RGS6: variants seen among roughly 807,000 people sequenced by gnomAD.
The protein encoded by RGS6 is regulator of G protein signaling 6.
A neutral mutation model predicts 78.5 loss-of-function variants in RGS6; 30 were observed. The ratio of observed to expected loss-of-function variants is 0.38; its 90% CI spans 0.29 to 0.52. The LOEUF is 0.52. Among genes scored for constraint, RGS6 ranks in the 20% least tolerant of loss-of-function variants. The pLI is 0.85. For missense variants in RGS6, 495 were observed against 609.7 expected, an observed-to-expected ratio of 0.81 and a Z score of 1.98; for synonymous variants, 206 against 206.0, an observed-to-expected ratio of 1.00 and a Z score of 0.00.
At chr14:72,409,007 G>A (rs1430976235) in intron 3 of RGS6, among the ~76,000 whole-genome samples, 1 of 152,166 alleles carries the variant, frequency 6.6e-6, no homozygotes, top group African/African-American at 2.4e-5. Context: ...ATGAATCAAA[G>A]TTTTTAAGCC....
intron 2 of RGS6, among the ~76,000 whole-genome samples, chr14:72,039,334 C>G (rs573514747): frequency 6.6e-6 from 1 of 152,206 alleles, no homozygotes; most frequent in South Asian, 2.1e-4. Context: ...CAACAGAGCT[C>G]AGTTTTAGGG....
intron 3 of RGS6, among the ~76,000 whole-genome samples, chr14:72,401,558 T>C (rs2092402707): frequency 1.3e-5 from 2 of 151,720 alleles, no homozygotes; most frequent in African/African-American, 4.8e-5. Context: ...GCAACTCTCA[T>C]GTGACCCCAG....
At chr14:72,033,989 C>T (rs143692313) in intron 2 of RGS6, among the ~76,000 whole-genome samples, 41 of 152,150 alleles carry the variant, frequency 2.7e-4, no homozygotes, top group Middle Eastern at 6.8e-3. Context: ...TTTTGATTAG[C>T]GTTTTCTTGA....
chr14:72,217,616 A>G (rs1242044589), intron 2 of RGS6, among the ~76,000 whole-genome samples: 1 of 152,174 alleles, frequency 6.6e-6, no homozygotes, highest in Non-Finnish European at 1.5e-5. Flanking sequence ...AGGAAAGGAA[A>G]AGTAAATCTT....
chr14:72,304,429 TC>T (rs2066783233), intron 2 of RGS6, among the ~76,000 whole-genome samples: 1 of 152,230 alleles, frequency 6.6e-6, no homozygotes, highest in Non-Finnish European at 1.5e-5. Context: ...CTTATCTTGT[TC>T]CCTGTTGGTA....
intron 10 of RGS6, among the ~76,000 whole-genome samples, chr14:72,475,200 T>G (rs2096205954): frequency 8.4e-5 from 1 of 11,878 alleles, no homozygotes; most frequent in Non-Finnish European, 1.4e-4. Context: ...TTTTTTATGG[T>G]TTTTTTTTTT....
intron 1 of RGS6, among the ~76,000 whole-genome samples, chr14:71,945,023 C>A (rs1313004831): frequency 6.6e-6 from 1 of 152,126 alleles, no homozygotes; most frequent in Non-Finnish European, 1.5e-5. Flanking sequence ...TCTCATGGGA[C>A]CCCCTTCATG....
chr14:71,911,476 T>C, the RGS6 span, among the ~76,000 whole-genome samples: 1 of 152,198 alleles, frequency 6.6e-6, no homozygotes, highest in Non-Finnish European at 1.5e-5. Context: ...TCAGAAATAT[T>C]ACACAGGCAC....
chr14:72,398,872 T>G (rs997069234), intron 3 of RGS6, among the ~76,000 whole-genome samples: 7 of 152,168 alleles, frequency 4.6e-5, no homozygotes, highest in African/African-American at 1.7e-4. Context: ...TTGAGTGAAT[T>G]TCTTAATCCT....
chr14:71,952,581 AGTAAAACT>A (rs889566370), intron 1 of RGS6, among the ~76,000 whole-genome samples: 7 of 152,032 alleles, frequency 4.6e-5, no homozygotes, highest in African/African-American at 7.2e-5. Flanking sequence ...ACACGGTATG[AGTAAAACT>A]GTAAAACCCC....
chr14:71,913,276 CTAAACTTGCTCAA>C, the RGS6 span, among the ~76,000 whole-genome samples: 1 of 152,214 alleles, frequency 6.6e-6, no homozygotes, highest in Non-Finnish European at 1.5e-5. Context: ...TAGATATCCC[CTAAACTTGCTCAA>C]TATGTGTAAG....
At chr14:72,218,956 C>G (rs1328779229) in intron 2 of RGS6, among the ~76,000 whole-genome samples, 2 of 151,784 alleles carry the variant, frequency 1.3e-5, no homozygotes, top group African/African-American at 4.8e-5. Context: ...GAACTCATGG[C>G]CAGCAATATG....
chr14:72,133,930 G>A (rs909923234), intron 2 of RGS6, among the ~76,000 whole-genome samples: 6 of 152,130 alleles, frequency 3.9e-5, no homozygotes, highest in African/African-American at 1.4e-4. Context: ...AGACTTCATT[G>A]ACATGGTTCC....
At chr14:72,106,824 C>T (rs1166043358) in intron 2 of RGS6, among the ~76,000 whole-genome samples, 1 of 152,178 alleles carries the variant, frequency 6.6e-6, no homozygotes, top group Non-Finnish European at 1.5e-5. Flanking sequence ...TGCAGTGTAA[C>T]ATGTTCCTCT....
chr14:72,506,167 A>G (rs903382771), intron 13 of RGS6, among the ~76,000 whole-genome samples: 2 of 152,234 alleles, frequency 1.3e-5, no homozygotes, highest in African/African-American at 4.8e-5. Context: ...AACACTTGCC[A>G]TGTGAAAAGT....
At chr14:72,568,578 G>A (rs1017676422), downstream of RGS6, among the ~76,000 whole-genome samples, 1 of 152,182 alleles carries the variant, frequency 6.6e-6, no homozygotes, top group Admixed American at 6.5e-5. Context: ...TGTGTCACTT[G>A]GGTGGCCTCC....
chr14:72,562,087 C>T (rs1361828432), intron 17 of RGS6, among the ~76,000 whole-genome samples: 3 of 152,144 alleles, frequency 2.0e-5, no homozygotes, highest in African/African-American at 4.8e-5. Context: ...CAGGGCAGCC[C>T]GCCGGCATTA....
chr14:72,411,682 A>T (rs2093424005), intron 3 of RGS6, among the ~76,000 whole-genome samples: 1 of 152,314 alleles, frequency 6.6e-6, no homozygotes, highest in Non-Finnish European at 1.5e-5. Context: ...TTGTCCATTC[A>T]GTATGATATT....
chr14:72,560,255 T>C (rs2097653099), intron 17 of RGS6, among the ~76,000 whole-genome samples: 1 of 152,148 alleles, frequency 6.6e-6, no homozygotes, highest in South Asian at 2.1e-4. Context: ...TATTGGTGTG[T>C]GGTGGTTATC....
Sources: allele counts gnomAD v4.1 joint callset (sites outside exome capture counted in the v4.1 genomes callset), GRCh38; gene constraint gnomAD v4.1.1; transcripts MANE v1.5; gene names NCBI Gene and HGNC (gene_info 2026-07-23, HGNC 2026-07-21).